Variants in FRMPD1 observed in about 807,000 individuals in gnomAD.
FRMPD1 encodes the protein FERM and PDZ domain containing 1, also known as FERM and PDZ domain-containing protein 1.
FRMPD1 carries 76 observed loss-of-function variants against 117.8 expected under a neutral mutation model. The ratio of observed to expected loss-of-function variants is 0.65; its 90% confidence interval spans 0.54 to 0.78. The LOEUF (loss-of-function observed/expected upper bound fraction) is 0.78, where lower values mean the gene tolerates loss of function less well. Among genes scored for constraint, FRMPD1 ranks in the 30% least tolerant of loss-of-function variants. FRMPD1 has a pLI of 0.00. For synonymous variants in FRMPD1, 783 were observed against 770.4 expected, an observed-to-expected ratio of 1.02 and a Z score of -0.27; for missense variants, 1,786 against 1,964.5, an observed-to-expected ratio of 0.91 and a Z score of 1.72.
chr9:37,731,758 A>T (rs1254339356), intron 9 of FRMPD1, among the ~76,000 whole-genome samples: 1 of 152,124 alleles, frequency 6.6e-6, no homozygotes, highest in African/African-American at 2.4e-5. Context: ...CTACAGTTCC[A>T]GCTGCTTGAG....
intron 1 of FRMPD1, among the ~76,000 whole-genome samples, chr9:37,651,789 C>T (rs554561328): frequency 7.9e-5 from 12 of 152,364 alleles, no homozygotes; most frequent in African/African-American, 2.6e-4. Context: ...CTGCTTTTGC[C>T]ACCTATAAAA....
At chr9:37,675,449 G>C (rs1000605642) in intron 1 of FRMPD1, among the ~76,000 whole-genome samples, 13 of 151,554 alleles carry the variant, frequency 8.6e-5, no homozygotes, top group South Asian at 2.1e-4. Context: ...AATCATGGTG[G>C]CCTGAATGTG....
At chr9:37,701,017 T>G (rs1822511094) in intron 2 of FRMPD1, among the ~76,000 whole-genome samples, 1 of 152,218 alleles carries the variant, frequency 6.6e-6, no homozygotes, top group Non-Finnish European at 1.5e-5. Context: ...GTCATGTACT[T>G]AGGTTAATCC....
At chr9:37,679,615 T>C (rs562997318) in intron 1 of FRMPD1, among the ~76,000 whole-genome samples, 7 of 152,362 alleles carry the variant, frequency 4.6e-5, no homozygotes, top group South Asian at 2.1e-4. Flanking sequence ...AATGGGATCA[T>C]AGAATATGTG....
chr9:37,704,263 A>G (rs1363249398), intron 2 of FRMPD1, among the ~76,000 whole-genome samples: 1 of 152,138 alleles, frequency 6.6e-6, no homozygotes, highest in Non-Finnish European at 1.5e-5. Flanking sequence ...TGTAAAATAG[A>G]CCCTGGATTT....
chr9:37,736,389 G>A (rs543464383), intron 13 of FRMPD1, among the ~76,000 whole-genome samples: 44 of 151,782 alleles, frequency 2.9e-4, no homozygotes, highest in Middle Eastern at 3.4e-3. Context: ...TAGTGGGCCC[G>A]GTGTGGTGGC....
intron 1 of FRMPD1, among the ~76,000 whole-genome samples, chr9:37,691,187 A>G (rs1450959963): frequency 1.3e-5 from 2 of 152,188 alleles, no homozygotes; most frequent in Non-Finnish European, 2.9e-5. Flanking sequence ...TGTACCGTCT[A>G]TTGTGCCTAG....
chr9:37,609,511 C>G, the FRMPD1 span, among the ~76,000 whole-genome samples: 1 of 152,106 alleles, frequency 6.6e-6, no homozygotes, highest in Non-Finnish European at 1.5e-5. Context: ...GTCAGCAAAT[C>G]CTGTTGCTGC....
the FRMPD1 span, chr9:37,637,064 T>C: frequency 3.9e-6 from 6 of 1,547,874 alleles, no homozygotes; most frequent in Non-Finnish European, 5.4e-6. Flanking sequence ...CCCCCGGTAG[T>C]AGCTGGAAGT....
In FRMPD1 at chr9:37,671,180, C is replaced by G. The variant is rs544474824; in HGVS notation, c.-5+20086C>G. ...ACCTAAAGGCTCTTTCTTGCCTTTT[C>G]CTACTCAGCCTCCAGAGCTGTTTTC... On this transcript the variant is annotated intron_variant, in intron 1 of 15. Coordinates refer to ENST00000377765, the MANE Select transcript of FRMPD1 (RefSeq NM_014907.3). Among the ~76,000 whole-genome samples, 5 of 152,336 alleles carry G rather than the reference C, an allele frequency of 3.3e-5. No homozygotes were observed. The South Asian group carries it at 1.0e-3, about 32-fold the overall frequency.
intron 1 of FRMPD1, among the ~76,000 whole-genome samples, chr9:37,683,717 G>A: frequency 6.6e-6 from 1 of 151,778 alleles, no homozygotes; most frequent in African/African-American, 2.4e-5. Flanking sequence ...GCTTTGGGGG[G>A]AATGACAGGT....
chr9:37,691,207 G>C (rs1822124796), intron 1 of FRMPD1, among the ~76,000 whole-genome samples: 1 of 152,172 alleles, frequency 6.6e-6, no homozygotes, highest in Non-Finnish European at 1.5e-5. Context: ...GTCTCCCCAA[G>C]CTTCTCTTGT....
At chr9:37,660,219 G>A (rs577239042) in intron 1 of FRMPD1, among the ~76,000 whole-genome samples, 1 of 152,260 alleles carries the variant, frequency 6.6e-6, no homozygotes, top group East Asian at 1.9e-4. Context: ...CCCCACCTGC[G>A]GCTGGAAGTA....
chr9:37,620,360 A>G, the FRMPD1 span, among the ~76,000 whole-genome samples: 82 of 152,332 alleles, frequency 5.4e-4, no homozygotes, highest in Admixed American at 4.6e-4. Context: ...TGCCTTAATT[A>G]CCAAGGCTCA....
chr9:37,647,466 C>T (rs957667099), upstream of FRMPD1, among the ~76,000 whole-genome samples: 2 of 149,512 alleles, frequency 1.3e-5, no homozygotes, highest in Non-Finnish European at 3.0e-5. Flanking sequence ...GAGCCGAGAT[C>T]GCGCCACTGC....
At chr9:37,736,028 T>G in intron 13 of FRMPD1, among the ~76,000 whole-genome samples, 1 of 145,992 alleles carries the variant, frequency 6.8e-6, no homozygotes, top group Admixed American at 6.9e-5. Flanking sequence ...TGAGACAGAG[T>G]CTCACTCTGT....
Position 37,740,956 on chromosome 9 carries a change from G to C in FRMPD1, c.2356+72G>C. ...GTGCCTCCCGGGGATCAAGGCCTGG[G>C]GCCAAGCTTGAGAGGAAGGCACATG... On this transcript the variant is annotated intron_variant, in intron 15 of 15. Transcript: ENST00000377765. This position sits in a 1 kb window ranked among gnomAD's most constrained non-coding sequence, Gnocchi z 4.2. The C allele has an allele frequency of 8.5e-7, 1 of 1,174,196 alleles. No individual in the cohort carries two copies. Among genetic ancestry groups the C allele is most frequent in the Non-Finnish European group, 1.3e-6 (1 of 785,938 alleles). The allele number at this position is 1,174,196 out of a possible 1,614,324, so 72.7% of individuals were successfully genotyped here. A position where few individuals can be genotyped will look rare whatever the true frequency, so the allele number is the denominator to read the frequency against.
At chr9:37,688,934 C>T (rs1822040566) in intron 1 of FRMPD1, among the ~76,000 whole-genome samples, 1 of 151,880 alleles carries the variant, frequency 6.6e-6, no homozygotes, top group South Asian at 2.1e-4. Context: ...TATATTCCTT[C>T]GGTTTTTAAA....
chr9:37,735,709 T>C lies in FRMPD1; in HGVS notation c.1376T>C (p.Val459Ala). Reference protein sequence around the residue: ...LTEESEKVSVVKVYLQDVKVL... With the variant: ...LTEESEKVSVAKVYLQDVKVL... ...GAAGAGTCTGAGAAAGTGAGCGTCG[T>C]CAAAGTGTATCTTCAGGACGTCAAG... Residue 459 changes from valine to alanine, a missense_variant, in exon 13 of 16, where the codon GTC becomes GCC. Val to Ala is a moderately conservative substitution (Grantham distance 64, BLOSUM62 0). Coordinates refer to ENST00000377765, the MANE Select transcript of FRMPD1 (RefSeq NM_014907.3). The C allele has an allele frequency of 1.9e-6, 3 of 1,613,670 alleles. No homozygotes were observed. Among genetic ancestry groups the C allele is most frequent in the Non-Finnish European group, 1.7e-6 (2 of 1,179,674 alleles).
Sources: gnomAD v4.1 joint callset for allele counts (sites outside exome capture counted in the v4.1 genomes callset) on GRCh38, gnomAD v4.1.1 for gene constraint, Gnocchi (gnomAD v3.1) non-coding constraint, MANE v1.5 for transcripts, NCBI Gene and HGNC (gene_info 2026-07-23, HGNC 2026-07-21) for gene names.